Variants in CAMKMT observed in about 807,000 individuals in gnomAD.
CAMKMT encodes calmodulin-lysine N-methyltransferase.
A neutral mutation model predicts 48.0 loss-of-function variants in CAMKMT; 53 were observed. The ratio of observed to expected loss-of-function variants is 1.10; its 90% CI spans 0.89 to 1.39. The LOEUF is 1.39. CAMKMT is among the 40% of genes most tolerant of loss of function. CAMKMT has a pLI of 0.00. For missense variants in CAMKMT, 428 were observed against 402.7 expected (o/e 1.06, Z -0.54); for synonymous variants, 165 against 152.3 (o/e 1.08, Z -0.61).
intron 3 of CAMKMT, among the ~76,000 whole-genome samples, chr2:44,621,642 G>A (rs1253711471): frequency 6.6e-6 from 1 of 152,212 alleles, no homozygotes; most frequent in African/African-American, 2.4e-5. Flanking sequence ...AGCAGGAAGG[G>A]TGAGAATGGT....
intron 7 of CAMKMT, among the ~76,000 whole-genome samples, chr2:44,724,553 A>G (rs978696357): frequency 6.6e-6 from 1 of 152,166 alleles, no homozygotes; most frequent in Non-Finnish European, 1.5e-5. Flanking sequence ...CGAGAAGCCC[A>G]TTTTATATCC....
intron 3 of CAMKMT, among the ~76,000 whole-genome samples, chr2:44,560,378 C>T (rs1668259827): frequency 6.6e-6 from 1 of 152,204 alleles, no homozygotes; most frequent in Non-Finnish European, 1.5e-5. Context: ...AAGCGATCCT[C>T]CCACTCAGCC....
At chr2:44,594,358 A>G (rs941316574) in intron 3 of CAMKMT, among the ~76,000 whole-genome samples, 2 of 152,202 alleles carry the variant, frequency 1.3e-5, no homozygotes, top group African/African-American at 4.8e-5. Flanking sequence ...AGCCAAGACA[A>G]TCCTAAGCAA....
chr2:44,427,580 T>A (rs778519855), intron 3 of CAMKMT, among the ~76,000 whole-genome samples: 3 of 152,114 alleles, frequency 2.0e-5, no homozygotes, highest in Non-Finnish European at 2.9e-5. Flanking sequence ...GGGATGCACA[T>A]CGAAAACACA....
intron 3 of CAMKMT, among the ~76,000 whole-genome samples, chr2:44,491,003 A>G (rs1320030399): frequency 6.6e-6 from 1 of 152,072 alleles, no homozygotes; most frequent in African/African-American, 2.4e-5. Flanking sequence ...TACAAAAAAA[A>G]TTAGCTGGGC....
intron 1 of CAMKMT, among the ~76,000 whole-genome samples, chr2:44,370,465 T>A (rs1041173040): frequency 6.6e-6 from 1 of 152,190 alleles, no homozygotes; most frequent in Non-Finnish European, 1.5e-5. Context: ...TTCATAAATA[T>A]CCCTTTATTA....
rs1467119332 is a variant in CAMKMT at position 44,618,999 on chromosome 2, G to T, written c.377-85284G>T. 2.0e-5 allele frequency among the ~76,000 whole-genome samples: 3 copies of T among 152,182 alleles called. No individual in the cohort carries two copies. ...CATAAATAGTTTGGAAATCACTGGG[G>T]ATTAGGAAGGGCACTATTGTTTTTA... On this transcript the variant is annotated intron_variant, in intron 3 of 10. Coordinates refer to ENST00000378494, the MANE Select transcript of CAMKMT (RefSeq NM_024766.5). This position sits in a 1 kb window ranked among gnomAD's most constrained non-coding sequence, Gnocchi z 4.0.
intron 3 of CAMKMT, among the ~76,000 whole-genome samples, chr2:44,506,362 A>G (rs1670261934): frequency 6.6e-6 from 1 of 152,190 alleles, no homozygotes; most frequent in Admixed American, 6.5e-5. Context: ...TCATGCCTTA[A>G]GGATTTTGTA....
At chr2:44,543,340 C>A (rs1667233553) in intron 3 of CAMKMT, among the ~76,000 whole-genome samples, 1 of 152,072 alleles carries the variant, frequency 6.6e-6, no homozygotes, top group South Asian at 2.1e-4. Context: ...GAAAAGGATG[C>A]AAAGACATTT....
intron 9 of CAMKMT, among the ~76,000 whole-genome samples, chr2:44,764,604 C>A (rs1411261969): frequency 6.6e-6 from 1 of 152,140 alleles, no homozygotes; most frequent in Non-Finnish European, 1.5e-5. Context: ...TTCTGATTGT[C>A]CTGAGGTGAC....
intron 3 of CAMKMT, among the ~76,000 whole-genome samples, chr2:44,578,380 G>T (rs1339903741): frequency 4.6e-5 from 7 of 152,056 alleles, no homozygotes; most frequent in Admixed American, 1.3e-4. Flanking sequence ...TTTAAATTTT[G>T]CTGTCACATA....
chr2:44,584,670 A>G (rs187136594), intron 3 of CAMKMT, among the ~76,000 whole-genome samples: 27 of 152,320 alleles, frequency 1.8e-4, no homozygotes, highest in African/African-American at 5.8e-4. Flanking sequence ...ATTCAGTTCT[A>G]TAAGGCAATA....
At chr2:44,745,711 T>C (rs1679889629) in intron 8 of CAMKMT, among the ~76,000 whole-genome samples, 2 of 152,172 alleles carry the variant, frequency 1.3e-5, no homozygotes, top group African/African-American at 4.8e-5. Context: ...CATTTGTAAA[T>C]GTGAAACATT....
At chr2:44,371,859 A>G (rs1023869380) in intron 1 of CAMKMT, among the ~76,000 whole-genome samples, 1 of 152,216 alleles carries the variant, frequency 6.6e-6, no homozygotes, top group African/African-American at 2.4e-5. Flanking sequence ...CCATTTTGTC[A>G]TAATTTTTCT....
chr2:44,640,589 C>T (rs1431133713), intron 3 of CAMKMT, among the ~76,000 whole-genome samples: 1 of 152,086 alleles, frequency 6.6e-6, no homozygotes, highest in Non-Finnish European at 1.5e-5. Context: ...AATGAATTAA[C>T]AATATAAATG....
At chr2:44,613,376 C>T (rs554702701) in intron 3 of CAMKMT, among the ~76,000 whole-genome samples, 35 of 152,224 alleles carry the variant, frequency 2.3e-4, no homozygotes, top group South Asian at 1.5e-3. Flanking sequence ...TCCAGATCTC[C>T]CTGTGACCCA....
chr2:44,567,558 C>T (rs1668681349), intron 3 of CAMKMT, among the ~76,000 whole-genome samples: 1 of 152,132 alleles, frequency 6.6e-6, no homozygotes, highest in East Asian at 1.9e-4. Context: ...TACAAATGCT[C>T]TGATGAAAGT....
At chr2:44,751,133 ACTT>A (rs897679962) in intron 8 of CAMKMT, among the ~76,000 whole-genome samples, 16 of 152,174 alleles carry the variant, frequency 1.1e-4, no homozygotes, top group African/African-American at 3.6e-4. Flanking sequence ...CAAATTCTCT[ACTT>A]CTTGTACTGA....
chr2:44,558,029 T>TCA (rs1322432866), intron 3 of CAMKMT, among the ~76,000 whole-genome samples: 23 of 135,514 alleles, frequency 1.7e-4, no homozygotes, highest in African/African-American at 6.8e-4. Context: ...TTTTATTTAT[T>TCA]TATTTATTCA....
Sources: gnomAD v4.1 joint callset for allele counts (sites outside exome capture counted in the v4.1 genomes callset) on GRCh38, gnomAD v4.1.1 for gene constraint, Gnocchi (gnomAD v3.1) non-coding constraint, MANE v1.5 for transcripts, NCBI Gene and HGNC (gene_info 2026-07-23, HGNC 2026-07-21) for gene names.